Variants in SYT1 observed in about 807,000 individuals in gnomAD.
The protein encoded by SYT1 is synaptotagmin-1.
In SYT1, 8 loss-of-function variants were observed where a neutral mutation model predicts 44.8. The observed-to-expected ratio is 0.18, with a 90% CI of 0.10 to 0.32. SYT1 has a LOEUF of 0.32. Ranked by LOEUF, SYT1 falls within the 10% of genes least tolerant of loss-of-function variation. SYT1 has a pLI of 1.00. For synonymous variants in SYT1, 154 were observed against 188.8 expected, an observed-to-expected ratio of 0.82 and a Z score of 1.51; for missense variants, 286 against 509.3, an observed-to-expected ratio of 0.56 and a Z score of 4.22.
chr12:78,870,353 T>C (rs1038702163), intron 1 of SYT1, among the ~76,000 whole-genome samples: 2 of 152,118 alleles, frequency 1.3e-5, no homozygotes, highest in African/African-American at 4.8e-5. Context: ...AGAACCTATT[T>C]CTGTACTTGT....
At chr12:79,018,357 G>T (rs866197906) in intron 2 of SYT1, among the ~76,000 whole-genome samples, 1 of 147,070 alleles carries the variant, frequency 6.8e-6, no homozygotes, top group Admixed American at 6.8e-5. Context: ...GGTAGGGGAG[G>T]GGGGAGGGAT....
At chr12:79,135,220 A>C (rs1869111971) in intron 3 of SYT1, among the ~76,000 whole-genome samples, 1 of 151,816 alleles carries the variant, frequency 6.6e-6, no homozygotes, top group Admixed American at 6.6e-5. Context: ...GTCATTTAGC[A>C]TTAGGTATAT....
At chr12:79,191,165 C>T (rs1483753982) in intron 3 of SYT1, among the ~76,000 whole-genome samples, 1 of 151,638 alleles carries the variant, frequency 6.6e-6, no homozygotes, top group African/African-American at 2.4e-5. Flanking sequence ...TTTATTTTTG[C>T]AGATGTTATT....
intron 1 of SYT1, among the ~76,000 whole-genome samples, chr12:78,930,658 CCTCCATTG>C (rs981741257): frequency 1.8e-3 from 272 of 151,078 alleles, no homozygotes; most frequent in African/African-American, 6.0e-3. Context: ...TTCCCAACCT[CCTCCATTG>C]GGAGGTTGGG....
chr12:79,064,419 TG>T (rs1237856917), intron 3 of SYT1, among the ~76,000 whole-genome samples: 2 of 152,152 alleles, frequency 1.3e-5, no homozygotes, highest in African/African-American at 2.4e-5. Context: ...ACAGTGGAGA[TG>T]GGGTAGATAG....
At position 79,282,640 on chromosome 12, in the gene SYT1, TATTTA is replaced by T. The variant is rs371995417; in HGVS notation, c.167-3139_167-3135del. ...TATGCTGTTATTTGCTTCACTGAAT[TATTTA>T]ATTTAATATGTTCTATTAAAGAGAC... On this transcript the variant is annotated intron_variant, in intron 4 of 10. Coordinates refer to ENST00000261205, the MANE Select transcript of SYT1 (RefSeq NM_005639.3). 1.2e-3 allele frequency among the ~76,000 whole-genome samples: 177 copies of T among 152,116 alleles called. 1 individual carries two copies. Among genetic ancestry groups the T allele is most frequent in the African/African-American group, 4.1e-3 (168 of 41,396 alleles).
At chr12:78,877,306 C>T (rs1462940215) in intron 1 of SYT1, among the ~76,000 whole-genome samples, 1 of 151,338 alleles carries the variant, frequency 6.6e-6, no homozygotes. Flanking sequence ...CACAGGATCT[C>T]GTGAGACTTA....
In SYT1 at chr12:79,117,705, ATATATAT is replaced by A. The variant is rs1565813874; in HGVS notation, c.-18+70344_-18+70350del. Among the ~76,000 whole-genome samples, 44 of 106,142 alleles carry A rather than the reference ATATATAT, an allele frequency of 4.1e-4. 2 individuals carry two copies. The highest frequency in any genetic ancestry group is 8.2e-4 in the Non-Finnish European group (42 of 51,038). 69.6% of individuals were successfully genotyped at this position (106,142 alleles called of 152,430 possible). ...TATATATATATATATATATATATAT[ATATATAT>A]ATAAAATAAATAGGTTGCATACAGA... On this transcript the variant is annotated intron_variant, in intron 3 of 10. Transcript: ENST00000261205.
rs116337188 is a variant in SYT1, at chr12:78,883,821, G to A, written c.-217+18712G>A. Among the ~76,000 whole-genome samples, 632 of 151,646 alleles carry A rather than the reference G, an allele frequency of 4.2e-3. 5 individuals carry two copies. The highest frequency in any genetic ancestry group is 0.014 in the African/African-American group (583 of 41,440). ...TAAATCTCTATGGCATCCAAAGTGC[G>A]AAGGGGTTCTGTCACTGAAAAAGTT... is the stretch of plus-strand genomic sequence containing the variant. On this transcript the variant is annotated intron_variant, in intron 1 of 10. Coordinates refer to ENST00000261205, the MANE Select transcript of SYT1 (RefSeq NM_005639.3).
At chr12:78,869,416 A>T (rs375808958) in intron 1 of SYT1, among the ~76,000 whole-genome samples, 1 of 152,034 alleles carries the variant, frequency 6.6e-6, no homozygotes, top group East Asian at 1.9e-4. Flanking sequence ...GCATGCCATC[A>T]TTTACTGTCT....
chr12:79,258,800 G>A (rs1279995808), intron 4 of SYT1, among the ~76,000 whole-genome samples: 2 of 152,184 alleles, frequency 1.3e-5, no homozygotes, highest in Non-Finnish European at 2.9e-5. Context: ...TCTTCACTGA[G>A]TGTGGGTAAA....
intron 4 of SYT1, among the ~76,000 whole-genome samples, chr12:79,267,827 C>T (rs1374357712): frequency 6.6e-6 from 1 of 152,200 alleles, no homozygotes; most frequent in Non-Finnish European, 1.5e-5. Context: ...GAAAGTTGTG[C>T]TGGGGTTTAT....
chr12:79,073,324 G>A (rs1020819784), intron 3 of SYT1, among the ~76,000 whole-genome samples: 1 of 152,082 alleles, frequency 6.6e-6, no homozygotes, highest in Non-Finnish European at 1.5e-5. Context: ...ATTTAACTGG[G>A]TGCCCTGTAT....
intron 2 of SYT1, among the ~76,000 whole-genome samples, chr12:78,992,015 T>C (rs1870055356): frequency 6.6e-6 from 1 of 152,158 alleles, no homozygotes; most frequent in African/African-American, 2.4e-5. Flanking sequence ...CTCATCAAGG[T>C]CATTTTCCTT....
At chr12:79,236,582 C>T (rs1876203729) in intron 4 of SYT1, among the ~76,000 whole-genome samples, 1 of 152,182 alleles carries the variant, frequency 6.6e-6, no homozygotes, top group Non-Finnish European at 1.5e-5. Flanking sequence ...TTTCATCTTC[C>T]ACCAAGTGGT....
intron 1 of SYT1, among the ~76,000 whole-genome samples, chr12:78,879,454 C>T (rs1018435992): frequency 2.0e-5 from 3 of 151,722 alleles, no homozygotes; most frequent in African/African-American, 7.3e-5. Context: ...GCCTGAAAGA[C>T]ATCTCAAACT....
intron 9 of SYT1, among the ~76,000 whole-genome samples, chr12:79,355,718 T>C (rs1883087057): frequency 6.6e-6 from 1 of 152,344 alleles, no homozygotes; most frequent in Admixed American, 6.5e-5. Flanking sequence ...TTCCTTCACC[T>C]GGAATTCTCT....
chr12:79,196,735 T>A (rs1396795658), intron 3 of SYT1, among the ~76,000 whole-genome samples: 1 of 152,206 alleles, frequency 6.6e-6, no homozygotes, highest in African/African-American at 2.4e-5. Flanking sequence ...CCCAATGACA[T>A]GCATTGTACA....
chr12:79,357,424 T>C (rs77092064), intron 9 of SYT1, among the ~76,000 whole-genome samples: 5,040 of 152,338 alleles, frequency 0.033, 94 homozygotes, highest in Middle Eastern at 0.065. Context: ...ATTGCACAAA[T>C]ATCATAAACA....
Sources: allele counts gnomAD v4.1 joint callset (sites outside exome capture counted in the v4.1 genomes callset), GRCh38; gene constraint gnomAD v4.1.1; transcripts MANE v1.5; gene names NCBI Gene and HGNC (gene_info 2026-07-23, HGNC 2026-07-21).